THRB: variants seen among roughly 807,000 people sequenced by gnomAD.
The protein encoded by THRB is thyroid hormone receptor beta.
THRB carries 12 observed loss-of-function variants against 47.8 expected under a neutral mutation model. The ratio of observed to expected loss-of-function variants is 0.25; its 90% CI spans 0.16 to 0.41. The LOEUF (loss-of-function observed/expected upper bound fraction) is 0.41. Among genes scored for constraint, THRB ranks in the 10% least tolerant of loss-of-function variants. The pLI is 1.00. For missense variants in THRB, 348 were observed against 589.2 expected (o/e 0.59, Z 4.24); for synonymous variants, 218 against 212.2 (o/e 1.03, Z -0.24).
chr3:24,314,608 T>C (rs559188694), intron 2 of THRB, among the ~76,000 whole-genome samples: 2 of 152,310 alleles, frequency 1.3e-5, no homozygotes, highest in East Asian at 3.9e-4. Context: ...ACAGGACAAG[T>C]GTCTTCCTTG....
chr3:24,159,802 A>G (rs2038498423), intron 5 of THRB, among the ~76,000 whole-genome samples: 1 of 151,832 alleles, frequency 6.6e-6, no homozygotes, highest in South Asian at 2.1e-4. Flanking sequence ...AAGAGGGACC[A>G]GGAATGATGC....
chr3:24,397,020 A>G (rs1409685057), intron 1 of THRB, among the ~76,000 whole-genome samples: 1 of 152,136 alleles, frequency 6.6e-6, no homozygotes, highest in Non-Finnish European at 1.5e-5. Context: ...TGACTTAAGA[A>G]ATGAAAACAG....
chr3:24,362,036 C>T (rs2064110189), intron 1 of THRB, among the ~76,000 whole-genome samples: 1 of 152,082 alleles, frequency 6.6e-6, no homozygotes. Flanking sequence ...TAGCAGTTAT[C>T]AATTACCGAA....
At chr3:24,378,867 A>G (rs2065487318) in intron 1 of THRB, among the ~76,000 whole-genome samples, 1 of 152,212 alleles carries the variant, frequency 6.6e-6, no homozygotes, top group Non-Finnish European at 1.5e-5. Context: ...AGAAATATAT[A>G]TAAGCATAAA....
chr3:24,168,490 A>ATATATATATATATATATATATATATATAT lies in THRB; in HGVS notation c.284-16001_284-16000insATATATATATATATATATATATATATATA, dbSNP rs1559499553. On this transcript the variant is annotated intron_variant, in intron 5 of 10. Coordinates refer to ENST00000646209, the MANE Select transcript of THRB (RefSeq NM_001354712.2). ...TCCGATTAGAAGTGTTTCAATCAAT[A>ATATATATATATATATATATATATATATAT]ATATATATATATATATATATGCGCC... Among the ~76,000 whole-genome samples the ATATATATATATATATATATATATATATAT allele has an allele frequency of 8.0e-3, 1,105 of 137,634 alleles. 35 individuals are homozygous for ATATATATATATATATATATATATATATAT. Among genetic ancestry groups the ATATATATATATATATATATATATATATAT allele is most frequent in the Non-Finnish European group, 0.011 (684 of 63,132 alleles). The allele number at this position is 137,634 out of a possible 152,430, so 90.3% of individuals were successfully genotyped here. A position where few individuals can be genotyped will look rare whatever the true frequency, so the allele number is the denominator to read the frequency against.
rs551406369 is a variant in THRB at position 24,452,965 on chromosome 3, A to C, written c.-261+41687T>G. 0.02 allele frequency among the ~76,000 whole-genome samples: 239 copies of C among 11,718 alleles called. No homozygotes were observed. In the Non-Finnish European group the frequency reaches 0.41, roughly 20 times the overall value. 7.7% of individuals were successfully genotyped at this position (11,718 alleles called of 152,430 possible). A position where few individuals can be genotyped will look rare whatever the true frequency, so the allele number is the denominator to read the frequency against. On this transcript the variant is annotated intron_variant, in intron 1 of 10. Transcript: ENST00000646209. Reference sequence around the variant, plus strand: ...GGCCCAGGATGCTACTTGAAGCCCGACATCTCTCCACTCAGATATCTCACA... The same window carrying C: ...GGCCCAGGATGCTACTTGAAGCCCGCCATCTCTCCACTCAGATATCTCACA...
At chr3:24,466,785 GAGCCTTT>G (rs2074191282) in intron 1 of THRB, among the ~76,000 whole-genome samples, 2 of 152,158 alleles carry the variant, frequency 1.3e-5, no homozygotes, top group Admixed American at 6.5e-5. Flanking sequence ...ATGATTATCT[GAGCCTTT>G]AGTGAGTCAT....
At chr3:24,233,595 G>GAAAGAAAGAAAGAAAGAAAAAA (rs1553658441) in intron 3 of THRB, among the ~76,000 whole-genome samples, 2 of 143,854 alleles carry the variant, frequency 1.4e-5, no homozygotes, top group Non-Finnish European at 3.1e-5. Flanking sequence ...AAGAAAGAAA[G>GAAAGAAAGAAAGAAAGAAAAAA]AAAGAAAGAA....
chr3:24,216,904 T>C (rs1315039503), intron 4 of THRB, among the ~76,000 whole-genome samples: 1 of 151,996 alleles, frequency 6.6e-6, no homozygotes, highest in Non-Finnish European at 1.5e-5. Flanking sequence ...TTTATATTCA[T>C]TTACATAGAA....
rs145654698 is a variant in THRB at position 24,192,938 on chromosome 3, C to T, written c.23-2604G>A. Among the ~76,000 whole-genome samples the T allele has an allele frequency of 5.3e-3, 800 of 152,166 alleles. 9 individuals are homozygous for T. Among genetic ancestry groups the T allele is most frequent in the African/African-American group, 0.017 (724 of 41,504 alleles). On this transcript the variant is annotated intron_variant, in intron 4 of 10. Coordinates refer to ENST00000646209, the MANE Select transcript of THRB (RefSeq NM_001354712.2). ...GGGAAACCTGGAGACTGAGAAGTCC[C>T]GGTTGGGTCATGAGAAAACTCAACA... is the stretch of plus-strand genomic sequence containing the variant.
At chr3:24,260,579 GAC>G (rs2051854041) in intron 3 of THRB, among the ~76,000 whole-genome samples, 1 of 152,154 alleles carries the variant, frequency 6.6e-6, no homozygotes, top group South Asian at 2.1e-4. Flanking sequence ...TGGAGAAAAA[GAC>G]ACAATCATAC....
intron 4 of THRB, among the ~76,000 whole-genome samples, chr3:24,191,415 T>C (rs1321558068): frequency 1.3e-5 from 2 of 152,158 alleles, no homozygotes; most frequent in Admixed American, 1.3e-4. Context: ...ATGGTCTTTT[T>C]AAAGTGATCA....
intron 3 of THRB, among the ~76,000 whole-genome samples, chr3:24,293,696 T>G (rs1320302051): frequency 3.9e-5 from 6 of 152,224 alleles, no homozygotes; most frequent in Non-Finnish European, 7.3e-5. Context: ...TATAATTTCC[T>G]GAGCATGGCC....
At chr3:24,245,234 A>C (rs1271960815) in intron 3 of THRB, among the ~76,000 whole-genome samples, 1 of 146,576 alleles carries the variant, frequency 6.8e-6, no homozygotes. Context: ...AGGACTGAGA[A>C]ACTTGCCCTT....
At chr3:24,482,581 C>T (rs1016505870) in intron 1 of THRB, among the ~76,000 whole-genome samples, 7 of 144,416 alleles carry the variant, frequency 4.8e-5, no homozygotes, top group African/African-American at 1.5e-4. Flanking sequence ...CTCCAATGTC[C>T]TAGCTCCCAA....
intron 1 of THRB, among the ~76,000 whole-genome samples, chr3:24,416,479 A>G (rs370077820): frequency 3.0e-4 from 45 of 151,960 alleles, no homozygotes; most frequent in South Asian, 2.1e-3. Context: ...AAAAAGGAGG[A>G]ACAAGGGCAA....
At position 24,213,285 on chromosome 3, in the gene THRB, T is replaced by C. The variant is rs62253694; in HGVS notation, c.22+15653A>G. Among the ~76,000 whole-genome samples, 820 of 152,296 alleles carry C rather than the reference T, an allele frequency of 5.4e-3. 7 individuals carry two copies. Among genetic ancestry groups the C allele is most frequent in the South Asian group, 0.042 (203 of 4,818 alleles). ...GTTCAAAAGCCTTTATTTAGTTGATTTGTGGCACATGGAAAATTCTTGAGA... is the reference window on the plus strand; with the variant it reads ...GTTCAAAAGCCTTTATTTAGTTGATCTGTGGCACATGGAAAATTCTTGAGA... On this transcript the variant is annotated intron_variant, in intron 4 of 10. Coordinates refer to ENST00000646209, the MANE Select transcript of THRB (RefSeq NM_001354712.2).
rs1463182684 is a variant in THRB, at chr3:24,231,303, AT to A, written c.-42-2303del. ...GTCCTTATGATATTATCAGTTAAAA[AT>A]ATCTTCATTTTCAAAATTCCAATTG... On this transcript the variant is annotated intron_variant, in intron 3 of 10. Coordinates refer to ENST00000646209, the MANE Select transcript of THRB (RefSeq NM_001354712.2). Among the ~76,000 whole-genome samples the A allele has an allele frequency of 3.3e-5, 5 of 152,282 alleles. No homozygotes were observed. In the South Asian group the frequency reaches 6.2e-4, roughly 19 times the overall value.
intron 1 of THRB, among the ~76,000 whole-genome samples, chr3:24,350,902 A>T (rs955786564): frequency 3.3e-5 from 5 of 152,180 alleles, no homozygotes; most frequent in African/African-American, 1.2e-4. Flanking sequence ...GTGGCAGGGA[A>T]CAGTGATGGG....
Sources: gnomAD v4.1 joint callset for allele counts (sites outside exome capture counted in the v4.1 genomes callset) on GRCh38, gnomAD v4.1.1 for gene constraint, MANE v1.5 for transcripts, NCBI Gene and HGNC (gene_info 2026-07-23, HGNC 2026-07-21) for gene names.